The following ARMC10 variants were observed in gnomAD, a reference collection of about 807,000 sequenced individuals.
ARMC10 encodes the protein armadillo repeat containing 10.
Under a neutral mutation model 30.2 loss-of-function variants are expected in ARMC10, and 23 were observed. The observed-to-expected ratio is 0.76, with a 90% CI of 0.55 to 1.08. The LOEUF is 1.08. ARMC10 is among the 50% of genes least tolerant of loss of function. The pLI, the probability that ARMC10 is intolerant of heterozygous loss-of-function variation, is 0.00. For synonymous variants in ARMC10, 111 were observed against 164.4 expected, an observed-to-expected ratio of 0.68 and a Z score of 2.48; for missense variants, 303 against 413.7, an observed-to-expected ratio of 0.73 and a Z score of 2.32.
chr7:103,081,336 T>C (rs1800360127), intron 2 of ARMC10, among the ~76,000 whole-genome samples: 1 of 152,252 alleles, frequency 6.6e-6, no homozygotes, highest in Non-Finnish European at 1.5e-5. Context: ...TAAATGGCTA[T>C]TTATAAAGAA....
rs1374136034 is a variant in ARMC10 at position 103,075,820 on chromosome 7, C to T, written c.183C>T (p.Arg61=). The T allele has an allele frequency of 2.5e-6, 4 of 1,611,244 alleles. No homozygotes were observed. The Admixed American group carries it at 6.7e-5, about 27-fold the overall frequency. Residue 61 remains arginine, a synonymous_variant, in exon 2 of 7, where the codon CGC becomes CGT. Transcript: ENST00000323716. ...CGTCAGAGGGTCAGTTGTGCGGGCG[C>T]TCGGCCCGGCCTCAGACGGGAGGTA... ...EGTSEGQLCG[R]SARPQTGGTW... is the part of the protein sequence containing the mutation.
chr7:103,085,235 A>T (rs890562942), intron 3 of ARMC10, among the ~76,000 whole-genome samples: 2 of 151,720 alleles, frequency 1.3e-5, no homozygotes, highest in Non-Finnish European at 2.9e-5. Context: ...CAATTATAGT[A>T]CCTTAATCTG....
intron 6 of ARMC10, among the ~76,000 whole-genome samples, chr7:103,097,696 A>C (rs1481677405): frequency 6.6e-6 from 1 of 152,224 alleles, no homozygotes; most frequent in Non-Finnish European, 1.5e-5. Flanking sequence ...CTGAGTCCCC[A>C]GCATATGCTA....
chr7:103,089,235 A>G (rs769796876), intron 4 of ARMC10: 17 of 250,214 alleles, frequency 6.8e-5, no homozygotes, highest in Admixed American at 1.2e-4. Flanking sequence ...TCAGAGCTCG[A>G]TATGCAGTAA....
At chr7:103,097,218 C>G in intron 5 of ARMC10, 59 bp from the exon 6 acceptor site, 1 of 1,385,544 alleles carries the variant, frequency 7.2e-7, no homozygotes, top group African/African-American at 1.4e-5. Flanking sequence ...GAACAGCATG[C>G]CTGAGAGAGA....
intron 2 of ARMC10, among the ~76,000 whole-genome samples, chr7:103,078,593 C>G (rs1800104205): frequency 6.6e-6 from 1 of 152,214 alleles, no homozygotes; most frequent in Non-Finnish European, 1.5e-5. Flanking sequence ...TTCTTCATAG[C>G]AGCATGAGAA....
intron 4 of ARMC10, chr7:103,087,081 G>A: frequency 2.6e-6 from 1 of 381,096 alleles, no homozygotes; most frequent in Non-Finnish European, 4.4e-6. Context: ...CTGAAAGTTG[G>A]GACAAGACTT....
At chr7:103,081,499 G>A (rs921790843) in intron 2 of ARMC10, among the ~76,000 whole-genome samples, 3 of 152,036 alleles carry the variant, frequency 2.0e-5, no homozygotes, top group African/African-American at 7.3e-5. Flanking sequence ...GGCCTCCCGA[G>A]TACCTGGGAT....
chr7:103,075,795 C>G lies in ARMC10; in HGVS notation c.158C>G (p.Thr53Arg). ...SKSAGALEEGTSEGQLCGRSA... is the reference protein window; with the variant it reads ...SKSAGALEEGRSEGQLCGRSA... ...CTTGCAGGTGCCCTGGAAGAAGGGA[C>G]GTCAGAGGGTCAGTTGTGCGGGCGC... Residue 53 changes from threonine (T) to arginine (R), a missense_variant, in exon 2 of 7, where the codon ACG becomes AGG. Physicochemically the swap from Thr to Arg is moderately conservative, Grantham distance 71. Around this residue, in one of 4 missense-constraint regions of ARMC10, gnomAD observed 96 missense variants for 84.2 expected, o/e 1.14. Coordinates refer to ENST00000323716, the MANE Select transcript of ARMC10 (RefSeq NM_031905.5). 6.2e-7 allele frequency: 1 copy of G among 1,609,480 alleles called. No homozygotes were observed. Among genetic ancestry groups the G allele is most frequent in the Non-Finnish European group, 8.5e-7 (1 of 1,178,096 alleles).
chr7:103,093,655 T>G (rs35898672), intron 5 of ARMC10, among the ~76,000 whole-genome samples: 12,551 of 152,220 alleles, frequency 0.082, 627 homozygotes, highest in Middle Eastern at 0.14. Context: ...TTCCAGCCCC[T>G]GAACCCCTGG....
intron 5 of ARMC10, among the ~76,000 whole-genome samples, chr7:103,094,009 C>T (rs921413889): frequency 1.3e-5 from 2 of 152,194 alleles, no homozygotes; most frequent in Non-Finnish European, 2.9e-5. Flanking sequence ...CTACCAATTA[C>T]AACATTGATT....
chr7:103,079,165 A>G (rs1349267588), intron 2 of ARMC10, among the ~76,000 whole-genome samples: 1 of 152,182 alleles, frequency 6.6e-6, no homozygotes, highest in East Asian at 1.9e-4. Context: ...AAAGATATAA[A>G]AATCTTAAAA....
chr7:103,075,770 C>A lies in ARMC10; in HGVS notation c.140-7C>A, dbSNP rs190767617. ...GCCCAGAGCCATAGGTCAATCTCTG[C>A]TTGCAGGTGCCCTGGAAGAAGGGAC... On this transcript the variant is annotated splice_region_variant and splice_polypyrimidine_tract_variant and intron_variant, in intron 1 of 6. Transcript: ENST00000323716. 17 of 1,601,282 alleles carry A rather than the reference C, an allele frequency of 1.1e-5. No individual in the cohort carries two copies. Among genetic ancestry groups the A allele is most frequent in the Non-Finnish European group, 1.4e-5 (17 of 1,174,090 alleles).
intron 4 of ARMC10, among the ~76,000 whole-genome samples, chr7:103,090,990 T>TA (rs397826623): frequency 1.5e-4 from 23 of 152,102 alleles, no homozygotes; most frequent in South Asian, 4.2e-4. Context: ...GGATTTTTTT[T>TA]AAATTAATAA....
At chr7:103,083,350 T>C (rs549468958) in intron 2 of ARMC10, among the ~76,000 whole-genome samples, 1 of 152,328 alleles carries the variant, frequency 6.6e-6, no homozygotes, top group South Asian at 2.1e-4. Flanking sequence ...CTGGGCACAG[T>C]GGCTCATACT....
chr7:103,095,103 T>C (rs937922008), intron 5 of ARMC10, among the ~76,000 whole-genome samples: 2 of 152,014 alleles, frequency 1.3e-5, no homozygotes, highest in Non-Finnish European at 2.9e-5. Context: ...TACTAAAACT[T>C]TTCTTTCTCT....
rs1037115269 is a variant in ARMC10 at position 103,075,191 on chromosome 7, C to T, written c.-82C>T. The T allele has an allele frequency of 9.8e-7, 1 of 1,024,728 alleles. No homozygotes were observed. Among genetic ancestry groups the T allele is most frequent in the Admixed American group, 5.0e-5 (1 of 19,944 alleles). 63.5% of individuals were successfully genotyped at this position (1,024,728 alleles called of 1,614,324 possible). A position where few individuals can be genotyped will look rare whatever the true frequency, so the allele number is the denominator to read the frequency against. ...GTGGCGTTTGCTGTGGCGGCTAGGCCCGCGTGCGCTGGAGACCTCCGCGCT... is the reference window on the plus strand; with the variant it reads ...GTGGCGTTTGCTGTGGCGGCTAGGCTCGCGTGCGCTGGAGACCTCCGCGCT... On this transcript the variant is annotated 5_prime_UTR_variant, in exon 1 of 7. Coordinates refer to ENST00000323716, the MANE Select transcript of ARMC10 (RefSeq NM_031905.5).
intron 3 of ARMC10, among the ~76,000 whole-genome samples, chr7:103,085,003 G>A (rs1800710063): frequency 6.6e-6 from 1 of 152,170 alleles, no homozygotes; most frequent in South Asian, 2.1e-4. Flanking sequence ...TCCCAGCAGG[G>A]ACCGTGTGGG....
chr7:103,092,351 A>T, intron 4 of ARMC10, 126 bp from the exon 5 acceptor site: 4 of 469,946 alleles, frequency 8.5e-6, no homozygotes, highest in East Asian at 3.5e-5. Flanking sequence ...AAAAAAAAAA[A>T]GTCGTATTTT....
Sources: allele counts gnomAD v4.1 joint callset (sites outside exome capture counted in the v4.1 genomes callset), GRCh38; gene constraint gnomAD v4.1.1; regional missense constraint gnomAD v4.1.1; transcripts MANE v1.5; gene names NCBI Gene and HGNC (gene_info 2026-07-23, HGNC 2026-07-21).